The following RNF220 variants were observed in gnomAD, a reference collection of about 807,000 sequenced individuals.
The protein encoded by RNF220 is ring finger protein 220.
In RNF220, 7 loss-of-function variants were observed where a neutral mutation model predicts 67.1. The observed-to-expected ratio is 0.10, with a 90% confidence interval of 0.06 to 0.20. RNF220 has a LOEUF of 0.20. Among genes scored for constraint, RNF220 ranks in the 10% least tolerant of loss-of-function variants. The pLI, the probability that RNF220 is intolerant of heterozygous loss-of-function variation, is 1.00. For missense variants in RNF220, 565 were observed against 740.3 expected (o/e 0.76, Z 2.75); for synonymous variants, 270 against 283.2 (o/e 0.95, Z 0.47).
chr1:44,468,275 A>G (rs1654463567), intron 2 of RNF220, among the ~76,000 whole-genome samples: 1 of 152,138 alleles, frequency 6.6e-6, no homozygotes. Context: ...ATTCGCATAT[A>G]TTGCTAATGA....
chr1:44,488,683 A>T (rs2148045553), intron 2 of RNF220, among the ~76,000 whole-genome samples: 1 of 152,080 alleles, frequency 6.6e-6, no homozygotes, highest in African/African-American at 2.4e-5. Context: ...ACTGAAACAA[A>T]AGTTTCACAA....
intron 2 of RNF220, among the ~76,000 whole-genome samples, chr1:44,486,910 A>G (rs12036856): frequency 0.17 from 25,166 of 152,286 alleles, 2,939 homozygotes; most frequent in East Asian, 0.58. Context: ...AAGATAATCC[A>G]TGCAAAAAGC....
intron 2 of RNF220, among the ~76,000 whole-genome samples, chr1:44,567,725 A>G (rs1664128718): frequency 2.0e-5 from 3 of 152,128 alleles, no homozygotes; most frequent in Admixed American, 6.5e-5. Flanking sequence ...CCCTTCACTC[A>G]TTCATTCGCT....
At chr1:44,476,272 T>C (rs894269396) in intron 2 of RNF220, among the ~76,000 whole-genome samples, 1 of 152,138 alleles carries the variant, frequency 6.6e-6, no homozygotes, top group Non-Finnish European at 1.5e-5. Context: ...ATGGTCTATT[T>C]CTTAAGTGGG....
chr1:44,445,743 C>T (rs574200491), intron 2 of RNF220, among the ~76,000 whole-genome samples: 139 of 152,270 alleles, frequency 9.1e-4, no homozygotes, highest in African/African-American at 2.8e-3. Flanking sequence ...TTGTATTCTA[C>T]GAAACACACT....
intron 2 of RNF220, among the ~76,000 whole-genome samples, chr1:44,418,232 G>A (rs76510530): frequency 0.08 from 12,116 of 152,192 alleles, 705 homozygotes; most frequent in African/African-American, 0.16. Context: ...GCCACTGCGC[G>A]GGGAGGGTTC....
chr1:44,523,654 C>A (rs980301217), intron 2 of RNF220, among the ~76,000 whole-genome samples: 1 of 151,958 alleles, frequency 6.6e-6, no homozygotes, highest in African/African-American at 2.4e-5. Context: ...GCAGGAACAC[C>A]ATGCTTTGAA....
chr1:44,650,625 C>T lies in RNF220; in HGVS notation c.1630-79C>T. The T allele has an allele frequency of 3.4e-6, 5 of 1,471,592 alleles. No homozygotes were observed. Among genetic ancestry groups the T allele is most frequent in the Non-Finnish European group, 4.7e-6 (5 of 1,054,604 alleles). 91.2% of individuals were successfully genotyped at this position (1,471,592 alleles called of 1,614,324 possible). A position where few individuals can be genotyped will look rare whatever the true frequency, so the allele number is the denominator to read the frequency against. On this transcript the variant is annotated intron_variant, in intron 14 of 14. Transcript: ENST00000361799. The surrounding 1 kb of genome is among the most constrained non-coding windows in gnomAD (Gnocchi z 4.3). Reference sequence around the variant, plus strand: ...CTCAGCACACACTGGTGCAGAGAGACATGGCTGCAGGCCCAGGTGCTCACA... The same window carrying T: ...CTCAGCACACACTGGTGCAGAGAGATATGGCTGCAGGCCCAGGTGCTCACA...
intron 2 of RNF220, among the ~76,000 whole-genome samples, chr1:44,515,457 A>G (rs1659382744): frequency 6.6e-6 from 1 of 152,228 alleles, no homozygotes; most frequent in East Asian, 1.9e-4. Flanking sequence ...CTAGGAATGA[A>G]GAAGTCATTG....
intron 2 of RNF220, among the ~76,000 whole-genome samples, chr1:44,475,524 C>T (rs934145286): frequency 1.6e-4 from 22 of 137,604 alleles, no homozygotes; most frequent in African/African-American, 5.4e-4. Context: ...GAGCCGAGAT[C>T]GAGCCACTGC....
chr1:44,408,496 A>G (rs1397047817), intron 1 of RNF220, among the ~76,000 whole-genome samples: 3 of 152,214 alleles, frequency 2.0e-5, no homozygotes, highest in African/African-American at 7.2e-5. Context: ...CAAGCGAAGA[A>G]GTCTGTGAAC....
chr1:44,573,679 T>C (rs1664605566), intron 2 of RNF220, among the ~76,000 whole-genome samples: 1 of 152,178 alleles, frequency 6.6e-6, no homozygotes, highest in Admixed American at 6.5e-5. Context: ...TAATAGACTA[T>C]AGATGGTAGT....
At chr1:44,531,130 C>G (rs1419354667) in intron 2 of RNF220, among the ~76,000 whole-genome samples, 1 of 152,134 alleles carries the variant, frequency 6.6e-6, no homozygotes, top group Non-Finnish European at 1.5e-5. Context: ...ATGATCCAAA[C>G]CCTTTTAAAA....
At chr1:44,584,979 G>A (rs572218231) in intron 2 of RNF220, among the ~76,000 whole-genome samples, 2 of 152,330 alleles carry the variant, frequency 1.3e-5, no homozygotes, top group South Asian at 2.1e-4. Flanking sequence ...GATTACAGGC[G>A]TGAGCCACCA....
At chr1:44,620,766 T>C (rs909383112) in intron 3 of RNF220, among the ~76,000 whole-genome samples, 10 of 152,184 alleles carry the variant, frequency 6.6e-5, no homozygotes, top group Admixed American at 2.6e-4. Context: ...ACATATGTTA[T>C]GTGTGTTGTG....
At chr1:44,538,918 GAAAAAAAAAA>G (rs35240810) in intron 2 of RNF220, among the ~76,000 whole-genome samples, 1 of 77,888 alleles carries the variant, frequency 1.3e-5, no homozygotes, top group Non-Finnish European at 2.4e-5. Flanking sequence ...TCCATCTAGG[GAAAAAAAAAA>G]AAAAAAAAAA....
At chr1:44,481,073 G>A (rs1002399092) in intron 2 of RNF220, among the ~76,000 whole-genome samples, 3 of 152,062 alleles carry the variant, frequency 2.0e-5, no homozygotes, top group Non-Finnish European at 2.9e-5. Context: ...GCTAATAGGG[G>A]GTGAGAAAAT....
At chr1:44,570,116 G>A (rs1453606156) in intron 2 of RNF220, among the ~76,000 whole-genome samples, 3 of 152,158 alleles carry the variant, frequency 2.0e-5, no homozygotes, top group Admixed American at 1.3e-4. Flanking sequence ...TTGGGTAATG[G>A]GGAGGAGAGC....
Position 44,504,584 on chromosome 1 carries a change from G to A in RNF220, c.625+91862G>A, listed in dbSNP as rs1166047224. Among the ~76,000 whole-genome samples, 7 of 152,120 alleles carry A rather than the reference G, an allele frequency of 4.6e-5. No homozygotes were observed. In the East Asian group the frequency reaches 1.3e-3, roughly 29 times the overall value. On this transcript the variant is annotated intron_variant, in intron 2 of 14. Transcript: ENST00000361799. Reference sequence around the variant, plus strand: ...ATTTGGCTCTCTGGAGCTTCTGGGTGGGCGGGTATAATGAAAGGATGGTTA... The same window carrying A: ...ATTTGGCTCTCTGGAGCTTCTGGGTAGGCGGGTATAATGAAAGGATGGTTA...
Sources: gnomAD v4.1 joint callset for allele counts (sites outside exome capture counted in the v4.1 genomes callset) on GRCh38, gnomAD v4.1.1 for gene constraint, Gnocchi (gnomAD v3.1) non-coding constraint, MANE v1.5 for transcripts, NCBI Gene and HGNC (gene_info 2026-07-23, HGNC 2026-07-21) for gene names.